The following CNTNAP2 variants were observed in gnomAD, a reference collection of about 807,000 sequenced individuals.
The protein encoded by CNTNAP2 is contactin associated protein 2.
A neutral mutation model predicts 155.2 loss-of-function variants in CNTNAP2; 98 were observed. That is an observed-to-expected ratio of 0.63 (90% CI 0.54 to 0.75). CNTNAP2 has a LOEUF of 0.75. Ranked by LOEUF, CNTNAP2 falls within the 30% of genes least tolerant of loss-of-function variation. The pLI is 0.00. For synonymous variants in CNTNAP2, 651 were observed against 631.2 expected, an observed-to-expected ratio of 1.03 and a Z score of -0.47; for missense variants, 1,727 against 1,688.1, an observed-to-expected ratio of 1.02 and a Z score of -0.40.
At chr7:147,425,323 T>C in intron 10 of CNTNAP2, among the ~76,000 whole-genome samples, 1 of 151,472 alleles carries the variant, frequency 6.6e-6, no homozygotes, top group Non-Finnish European at 1.5e-5. Flanking sequence ...GTATGAAAAA[T>C]AGAGAGGATT....
chr7:148,351,456 A>G (rs1275230611), intron 21 of CNTNAP2, among the ~76,000 whole-genome samples: 2 of 151,946 alleles, frequency 1.3e-5, no homozygotes, highest in East Asian at 3.9e-4. Context: ...TATAATAGAG[A>G]AACCCAGGCC....
intron 15 of CNTNAP2, among the ~76,000 whole-genome samples, chr7:148,061,960 TAG>T (rs1563185444): frequency 8.3e-4 from 59 of 70,832 alleles, no homozygotes; most frequent in African/African-American, 3.7e-3. Context: ...CAGATATAGA[TAG>T]ATAGATAGAT....
intron 16 of CNTNAP2, among the ~76,000 whole-genome samples, chr7:148,145,728 C>G (rs750998716): frequency 8.5e-5 from 13 of 152,176 alleles, no homozygotes; most frequent in Non-Finnish European, 1.9e-4. Flanking sequence ...AAAGATCACA[C>G]AGCCTGTGGG....
intron 13 of CNTNAP2, among the ~76,000 whole-genome samples, chr7:147,674,050 A>G (rs1289455463): frequency 6.6e-6 from 1 of 152,122 alleles, no homozygotes; most frequent in Non-Finnish European, 1.5e-5. Flanking sequence ...AATAAACAAG[A>G]GACACATTGT....
At chr7:146,882,575 A>G (rs1454739469) in intron 3 of CNTNAP2, among the ~76,000 whole-genome samples, 2 of 151,996 alleles carry the variant, frequency 1.3e-5, no homozygotes, top group Non-Finnish European at 2.9e-5. Context: ...CCCTTCTGCC[A>G]TGATTGTGAG....
rs138812754 is a variant in CNTNAP2 at position 148,330,790 on chromosome 7, AATGGATGG to A, written c.3476-52845_3476-52838del. ...ATGGACAGATGGAGTTGATGGATGG[AATGGATGG>A]ATGGATGGATGGAGTGGAGTGGACA... is the stretch of plus-strand genomic sequence containing the variant. On this transcript the variant is annotated intron_variant, in intron 21 of 23. Transcript: ENST00000361727. Among the ~76,000 whole-genome samples the A allele has an allele frequency of 2.3e-3, 301 of 132,170 alleles. 6 individuals are homozygous for A. The highest frequency in any genetic ancestry group is 8.3e-3 in the African/African-American group (276 of 33,418). 86.7% of individuals were successfully genotyped at this position (132,170 alleles called of 152,430 possible). A position where few individuals can be genotyped will look rare whatever the true frequency, so the allele number is the denominator to read the frequency against.
intron 10 of CNTNAP2, among the ~76,000 whole-genome samples, chr7:147,479,659 A>G (rs945705762): frequency 4.6e-5 from 7 of 152,226 alleles, no homozygotes. Context: ...TTTAAAAGGC[A>G]GAAAACCCAA....
chr7:147,574,521 C>T (rs1800351999), intron 12 of CNTNAP2, among the ~76,000 whole-genome samples: 1 of 152,074 alleles, frequency 6.6e-6, no homozygotes, highest in Non-Finnish European at 1.5e-5. Flanking sequence ...ATTATTTGAT[C>T]ACCTCACTGC....
chr7:146,248,027 A>T (rs1799691391), intron 1 of CNTNAP2, among the ~76,000 whole-genome samples: 1 of 151,840 alleles, frequency 6.6e-6, no homozygotes, highest in Non-Finnish European at 1.5e-5. Flanking sequence ...GCACAGAGAT[A>T]TAAGAGGCTG....
chr7:146,347,531 C>A (rs1032172998), intron 1 of CNTNAP2, among the ~76,000 whole-genome samples: 31 of 152,110 alleles, frequency 2.0e-4, no homozygotes, highest in African/African-American at 7.5e-4. Flanking sequence ...AGTTATTTTT[C>A]TCTGTTAAAT....
At chr7:146,310,551 C>T (rs1439792288) in intron 1 of CNTNAP2, among the ~76,000 whole-genome samples, 2 of 151,736 alleles carry the variant, frequency 1.3e-5, no homozygotes, top group Admixed American at 6.6e-5. Flanking sequence ...TCTTCTTTGG[C>T]TATTTTGATG....
chr7:147,190,576 A>C (rs1055591052), intron 8 of CNTNAP2, among the ~76,000 whole-genome samples: 2 of 152,188 alleles, frequency 1.3e-5, no homozygotes, highest in African/African-American at 4.8e-5. Flanking sequence ...TGAACAGTGA[A>C]TGTGACATTA....
intron 11 of CNTNAP2, among the ~76,000 whole-genome samples, chr7:147,545,623 G>A (rs1220905038): frequency 6.6e-6 from 1 of 152,178 alleles, no homozygotes; most frequent in Non-Finnish European, 1.5e-5. Context: ...CCTGGGGCTG[G>A]GCAGTCTGTG....
At chr7:146,738,722 T>C (rs968796956) in intron 1 of CNTNAP2, among the ~76,000 whole-genome samples, 2 of 151,996 alleles carry the variant, frequency 1.3e-5, no homozygotes, top group African/African-American at 4.8e-5. Context: ...AATTTCATCA[T>C]TTCACATGTG....
At chr7:148,311,972 A>G (rs1033984378) in intron 21 of CNTNAP2, among the ~76,000 whole-genome samples, 2 of 152,214 alleles carry the variant, frequency 1.3e-5, no homozygotes, top group Non-Finnish European at 2.9e-5. Context: ...GGGAGATTCA[A>G]CAAAGAGTGA....
chr7:147,900,619 G>A (rs1799851969), intron 13 of CNTNAP2, among the ~76,000 whole-genome samples: 1 of 151,934 alleles, frequency 6.6e-6, no homozygotes, highest in African/African-American at 2.4e-5. Context: ...TGTTTGTTTT[G>A]TTTTGTTTTG....
intron 23 of CNTNAP2, among the ~76,000 whole-genome samples, chr7:148,414,113 C>A (rs1383900455): frequency 6.6e-5 from 5 of 76,244 alleles, no homozygotes; most frequent in Admixed American, 5.0e-4. Context: ...CCCCCCCCCC[C>A]TCACACAAGC....
intron 13 of CNTNAP2, among the ~76,000 whole-genome samples, chr7:147,663,060 G>A (rs563566304): frequency 7.2e-5 from 11 of 152,076 alleles, no homozygotes; most frequent in African/African-American, 9.7e-5. Context: ...GTGCAGTGGC[G>A]CGTTCTCGGC....
chr7:146,934,385 G>T (rs1796863277), intron 3 of CNTNAP2, among the ~76,000 whole-genome samples: 1 of 139,850 alleles, frequency 7.2e-6, no homozygotes, highest in Non-Finnish European at 1.5e-5. Flanking sequence ...GATGGGAATT[G>T]AACAATGAGA....
Sources: allele counts gnomAD v4.1 joint callset (sites outside exome capture counted in the v4.1 genomes callset), GRCh38; gene constraint gnomAD v4.1.1; transcripts MANE v1.5; gene names NCBI Gene and HGNC (gene_info 2026-07-23, HGNC 2026-07-21).